MTNAP1: variants seen among roughly 807,000 people sequenced by gnomAD.
MTNAP1 encodes mitochondrial nucleoid-associated protein 1.
the MTNAP1 span, chr17:73,236,615 C>T: frequency 2.1e-5 from 34 of 1,614,062 alleles, no homozygotes; most frequent in Non-Finnish European, 2.5e-5. Flanking sequence ...AGTCTTGCCT[C>T]TCTAGCTACA....
At chr17:73,235,873 A>T in the MTNAP1 span, 1 of 1,614,112 alleles carries the variant, frequency 6.2e-7, no homozygotes, top group South Asian at 1.1e-5. Context: ...ACCAATGACT[A>T]CTTTCCAAGA....
the MTNAP1 span, chr17:73,248,500 C>G: frequency 6.4e-7 from 1 of 1,551,692 alleles, no homozygotes; most frequent in Non-Finnish European, 8.7e-7. Context: ...ACGCTTAGAT[C>G]TTGCTTCCAG....
chr17:73,240,096 C>T, the MTNAP1 span, among the ~76,000 whole-genome samples: 1 of 152,200 alleles, frequency 6.6e-6, no homozygotes, highest in South Asian at 2.1e-4. Context: ...CCTAAGAATA[C>T]AATAATAAGA....
chr17:73,234,549 G>C, the MTNAP1 span, among the ~76,000 whole-genome samples: 1 of 151,978 alleles, frequency 6.6e-6, no homozygotes, highest in Non-Finnish European at 1.5e-5. Flanking sequence ...AAATTAGCCT[G>C]GCGTGGTGGC....
At chr17:73,248,658 A>T in the MTNAP1 span, 1 of 992,990 alleles carries the variant, frequency 1.0e-6, no homozygotes, top group East Asian at 2.6e-5. Context: ...GAGAGGACGT[A>T]TTTGAAGGTT....
the MTNAP1 span, chr17:73,248,080 G>A: frequency 6.0e-6 from 1 of 166,686 alleles, no homozygotes; most frequent in Non-Finnish European, 1.3e-5. Flanking sequence ...AGCATGACGA[G>A]GAAGCACACT....
chr17:73,243,095 T>TTTTTTTTTTTTTTTTTTTTTTG, the MTNAP1 span: 1 of 936,784 alleles, frequency 1.1e-6, no homozygotes, highest in Non-Finnish European at 1.6e-6. Flanking sequence ...TTTTTTTTTT[T>TTTTTTTTTTTTTTTTTTTTTTG]TTTTTTACAG....
chr17:73,244,559 C>CAAAAAAAAAAA, the MTNAP1 span: 2 of 77,276 alleles, frequency 2.6e-5, no homozygotes, highest in Non-Finnish European at 4.7e-5. Context: ...AACTGCATCT[C>CAAAAAAAAAAA]AAAAAAAAAA....
the MTNAP1 span, chr17:73,235,894 G>C: frequency 3.7e-6 from 6 of 1,613,948 alleles, no homozygotes; most frequent in African/African-American, 2.7e-5. Context: ...AGAAACCAAG[G>C]CTCAGTTTTA....
chr17:73,232,579 T>C, the MTNAP1 span: 2 of 389,642 alleles, frequency 5.1e-6, no homozygotes, highest in Admixed American at 4.4e-5. Context: ...CCGTGTAACA[T>C]ATTTTAAAAC....
At chr17:73,235,827 A>G in the MTNAP1 span, 1 of 1,614,206 alleles carries the variant, frequency 6.2e-7, no homozygotes, top group Non-Finnish European at 8.5e-7. Flanking sequence ...TCAAGAATCC[A>G]ATCCAACCAT....
the MTNAP1 span, chr17:73,242,801 C>T: frequency 1.1e-6 from 1 of 870,482 alleles, no homozygotes; most frequent in Non-Finnish European, 1.8e-6. Context: ...ATTACAGTTC[C>T]ATCACTCAGG....
the MTNAP1 span, chr17:73,235,718 C>A: frequency 6.2e-7 from 1 of 1,614,146 alleles, no homozygotes; most frequent in Non-Finnish European, 8.5e-7. Flanking sequence ...GAAAGAAATT[C>A]TAAGTTGGTG....
the MTNAP1 span, chr17:73,248,374 A>T: frequency 2.2e-6 from 2 of 902,970 alleles, no homozygotes; most frequent in Non-Finnish European, 3.5e-6. Context: ...AACATGATTT[A>T]CCATTTTAAA....
At chr17:73,246,192 C>T in the MTNAP1 span, among the ~76,000 whole-genome samples, 5 of 152,312 alleles carry the variant, frequency 3.3e-5, no homozygotes, top group East Asian at 9.6e-4. Context: ...GTGGTGTCCT[C>T]ATGCCAAAAT....
At chr17:73,241,943 T>C in the MTNAP1 span, among the ~76,000 whole-genome samples, 3 of 151,982 alleles carry the variant, frequency 2.0e-5, no homozygotes, top group African/African-American at 7.2e-5. Context: ...AAAAAGATGA[T>C]GTAAGAGACT....
At chr17:73,236,523 A>C in the MTNAP1 span, 11 of 1,614,222 alleles carry the variant, frequency 6.8e-6, no homozygotes, top group Non-Finnish European at 9.3e-6. Context: ...AGGAGTCTCA[A>C]GGGGAAAGAC....
At chr17:73,247,176 G>A in the MTNAP1 span, 6,952 of 1,414,220 alleles carry the variant, frequency 4.9e-3, 23 homozygotes, top group Non-Finnish European at 6.3e-3. Context: ...CAGCAAAGTC[G>A]AGTAGTTGCG....
At chr17:73,247,558 A>C in the MTNAP1 span, 3 of 506,176 alleles carry the variant, frequency 5.9e-6, no homozygotes, top group African/African-American at 1.9e-5. Flanking sequence ...GAAAAGGTTT[A>C]ACTTAGTCAC....
Sources: allele counts gnomAD v4.1 joint callset (sites outside exome capture counted in the v4.1 genomes callset), GRCh38; gene constraint gnomAD v4.1.1; transcripts MANE v1.5; gene names NCBI Gene and HGNC (gene_info 2026-07-23, HGNC 2026-07-21).